GRIN2A: variants seen among roughly 807,000 people sequenced by gnomAD.
GRIN2A encodes the protein glutamate receptor ionotropic, NMDA 2A.
GRIN2A carries 22 observed loss-of-function variants against 113.4 expected under a neutral mutation model. That is an observed-to-expected ratio of 0.19 (90% CI 0.14 to 0.28). The LOEUF (loss-of-function observed/expected upper bound fraction) is 0.28. GRIN2A is among the 10% of genes least tolerant of loss of function. The probability of loss-of-function intolerance (pLI) is 1.00; values close to 1 mark genes in which losing one functional copy is unlikely to be tolerated. For synonymous variants in GRIN2A, 827 were observed against 738.4 expected (o/e 1.12, Z -1.94); for missense variants, 1,502 against 1,887.0 (o/e 0.80, Z 3.78).
At chr16:10,031,219 A>G (rs570794156) in intron 2 of GRIN2A, 2 of 152,338 alleles carry the variant, frequency 1.3e-5, no homozygotes, top group South Asian at 4.1e-4. Context: ...CTCTGCAGCC[A>G]CAATGACTTC....
intron 11 of GRIN2A, among the ~76,000 whole-genome samples, chr16:9,774,123 A>T (rs1041972518): frequency 2.0e-5 from 3 of 152,204 alleles, no homozygotes; most frequent in African/African-American, 7.2e-5. Flanking sequence ...GGCTGGTTAG[A>T]CAAAAGGCAC....
chr16:10,104,066 T>C (rs1374000425), intron 2 of GRIN2A, among the ~76,000 whole-genome samples: 1 of 152,366 alleles, frequency 6.6e-6, no homozygotes, highest in Non-Finnish European at 1.5e-5. Context: ...TAACCGAAGA[T>C]ACAATATTTG....
At chr16:9,769,845 T>C (rs554136162) in intron 11 of GRIN2A, among the ~76,000 whole-genome samples, 2 of 152,322 alleles carry the variant, frequency 1.3e-5, no homozygotes, top group Admixed American at 1.3e-4. Flanking sequence ...TGTGTGTTTC[T>C]TTTTCTCTCT....
rs1386324916 is a variant in GRIN2A at position 9,763,415 on chromosome 16, A to C, written c.4129T>G (p.Leu1377Val). The C allele has an allele frequency of 6.2e-7, 1 of 1,614,010 alleles. No homozygotes were observed. The highest frequency in any genetic ancestry group is 2.2e-5 in the East Asian group (1 of 44,852). Reference sequence around the variant, plus strand: ...TCCGAGGGGCATCTCCCAATAACCAAGCGTTGGTCATCCCTGTGGGAGTGG... The same window carrying C: ...TCCGAGGGGCATCTCCCAATAACCACGCGTTGGTCATCCCTGTGGGAGTGG... ...FLHSHRDDQR[L>V]VIGRCPSDPY... Residue 1377 changes from leucine to valine, a missense_variant, in exon 13 of 13, where the codon TTG (leucine) becomes GTG (valine). Around this residue, in one of 7 missense-constraint regions of GRIN2A, gnomAD observed 832 missense variants for 789.7 expected, o/e 1.05. Coordinates refer to ENST00000330684, the MANE Select transcript of GRIN2A (RefSeq NM_001134407.3).
chr16:9,929,918 C>A (rs193183638), intron 3 of GRIN2A, among the ~76,000 whole-genome samples: 3 of 152,166 alleles, frequency 2.0e-5, no homozygotes, highest in Non-Finnish European at 4.4e-5. Flanking sequence ...GGTAAAGGCA[C>A]GGCCAACTTC....
At chr16:10,106,212 G>GTTTTTTTTTTTT (rs71402429) in intron 2 of GRIN2A, among the ~76,000 whole-genome samples, 3 of 140,972 alleles carry the variant, frequency 2.1e-5, no homozygotes, top group Non-Finnish European at 4.6e-5. Flanking sequence ...TTGGGGAAGT[G>GTTTTTTTTTTTT]TTTTTTTTTT....
At chr16:10,059,010 G>A (rs1030771795) in intron 2 of GRIN2A, among the ~76,000 whole-genome samples, 3 of 152,222 alleles carry the variant, frequency 2.0e-5, no homozygotes, top group Admixed American at 2.0e-4. Context: ...AACACATTAT[G>A]CAGCAGGATG....
chr16:9,933,048 T>C (rs1036353020), intron 3 of GRIN2A, among the ~76,000 whole-genome samples: 6 of 152,210 alleles, frequency 3.9e-5, no homozygotes, highest in African/African-American at 1.4e-4. Flanking sequence ...AACAGTGACA[T>C]GGTCTGTGCT....
chr16:9,773,375 G>T (rs1019599101), intron 11 of GRIN2A, among the ~76,000 whole-genome samples: 1 of 152,148 alleles, frequency 6.6e-6, no homozygotes, highest in South Asian at 2.1e-4. Flanking sequence ...ATCAAATGTC[G>T]TTTTTCCAAG....
rs869036966 is a variant in GRIN2A at position 9,990,545 on chromosome 16, ACGCG to A, written c.415-51998_415-51995del. ...GCACCCCCTGAATCTCTCTCTCTACACGCGCGCGCGCGCGCGCGCACACACACAC... is the reference window on the plus strand; with the variant it reads ...GCACCCCCTGAATCTCTCTCTCTACACGCGCGCGCGCGCGCACACACACAC... On this transcript the variant is annotated intron_variant, in intron 2 of 12. Transcript: ENST00000330684. Among the ~76,000 whole-genome samples the A allele has an allele frequency of 4.4e-3, 569 of 130,478 alleles. 4 individuals are homozygous for A. The highest frequency in any genetic ancestry group is 0.013 in the African/African-American group (459 of 34,736). 85.6% of individuals were successfully genotyped at this position (130,478 alleles called of 152,430 possible).
chr16:10,028,194 T>C (rs1300751871), intron 2 of GRIN2A, among the ~76,000 whole-genome samples: 4 of 152,262 alleles, frequency 2.6e-5, no homozygotes, highest in African/African-American at 9.6e-5. Flanking sequence ...GGAACTGTGA[T>C]TGTGCCCATT....
intron 10 of GRIN2A, among the ~76,000 whole-genome samples, chr16:9,801,751 T>G (rs766590855): frequency 6.6e-6 from 1 of 152,162 alleles, no homozygotes; most frequent in Non-Finnish European, 1.5e-5. Flanking sequence ...TTGGCATGAC[T>G]GGGGTGGGCT....
intron 2 of GRIN2A, among the ~76,000 whole-genome samples, chr16:10,046,773 C>G (rs532999693): frequency 6.6e-6 from 1 of 152,246 alleles, no homozygotes; most frequent in South Asian, 2.1e-4. Flanking sequence ...TAATAAACTC[C>G]AAGTGCTTTG....
chr16:9,753,531 G>C lies in GRIN2A; in HGVS notation c.*9618C>G, dbSNP rs1900248797. On this transcript the variant is annotated 3_prime_UTR_variant, in exon 13 of 13. Transcript: ENST00000330684. ...TCAGGAGTTATATACATATCAGTTT[G>C]CACACGAATTTCAATCCCCATTCCT... 1 of 202,958 alleles carries C rather than the reference G, an allele frequency of 4.9e-6. No homozygotes were observed. The allele number at this position is 202,958 out of a possible 1,614,324, so 12.6% of individuals were successfully genotyped here.
intron 2 of GRIN2A, among the ~76,000 whole-genome samples, chr16:9,994,768 G>A (rs771924436): frequency 1.2e-4 from 18 of 152,306 alleles, no homozygotes; most frequent in Middle Eastern, 3.4e-3. Context: ...AGAATTCTTG[G>A]CTCACCATCT....
At chr16:10,136,960 T>C (rs1276573028) in intron 2 of GRIN2A, among the ~76,000 whole-genome samples, 1 of 152,218 alleles carries the variant, frequency 6.6e-6, no homozygotes, top group Non-Finnish European at 1.5e-5. Context: ...AGTGACTGCT[T>C]AAGGCAACTG....
At position 9,938,431 on chromosome 16, in the gene GRIN2A, C is replaced by A; in HGVS notation, c.535G>T (p.Gly179Cys). 1 of 1,613,964 alleles carries A rather than the reference C, an allele frequency of 6.2e-7. No individual in the cohort carries two copies. Among genetic ancestry groups the A allele is most frequent in the Non-Finnish European group, 8.5e-7 (1 of 1,179,916 alleles). ...ACGAAGCTGATGAATTCCCTGTAGC[C>A]AGGGAAGATAGTGGTCACCAGGGAG... The part of the protein sequence containing the change: ...VFSLVTTIFP[G>C]YREFISFVKT... The change falls in exon 3 of 13, where the codon GGC becomes TGC. Residue 179 changes from glycine to cysteine, a missense_variant. By Grantham distance (159) the Gly-to-Cys change is radical (BLOSUM62 -3). Around this residue, in one of 7 missense-constraint regions of GRIN2A, gnomAD observed 334 missense variants for 403.0 expected, o/e 0.83. Transcript: ENST00000330684.
chr16:9,803,961 G>A (rs566312711), intron 10 of GRIN2A, among the ~76,000 whole-genome samples: 55 of 152,306 alleles, frequency 3.6e-4, no homozygotes, highest in African/African-American at 1.1e-3. Flanking sequence ...GGGCCAGAGC[G>A]GCCGGAGTTT....
At chr16:9,994,604 T>C (rs939444700) in intron 2 of GRIN2A, among the ~76,000 whole-genome samples, 2 of 152,162 alleles carry the variant, frequency 1.3e-5, no homozygotes, top group African/African-American at 4.8e-5. Context: ...TATTGATTTG[T>C]ATCAAAACAG....
Sources: allele counts gnomAD v4.1 joint callset (sites outside exome capture counted in the v4.1 genomes callset), GRCh38; gene constraint gnomAD v4.1.1; regional missense constraint gnomAD v4.1.1; transcripts MANE v1.5; gene names NCBI Gene and HGNC (gene_info 2026-07-23, HGNC 2026-07-21).